Variants in KDM6A observed in about 807,000 individuals in gnomAD.
KDM6A encodes lysine demethylase 6A.
KDM6A carries 11 observed loss-of-function variants against 117.6 expected under a neutral mutation model. The ratio of observed to expected loss-of-function variants is 0.09; its 90% CI spans 0.06 to 0.15. The LOEUF (loss-of-function observed/expected upper bound fraction) is 0.15, where lower values mean the gene tolerates loss of function less well. KDM6A is among the 10% of genes least tolerant of loss of function. KDM6A has a pLI of 1.00. For missense variants in KDM6A, 799 were observed against 1,077.3 expected, an observed-to-expected ratio of 0.74 and a Z score of 3.62; for synonymous variants, 384 against 396.1, an observed-to-expected ratio of 0.97 and a Z score of 0.36.
In KDM6A at chrX:44,873,987, G is replaced by A; in HGVS notation, c.225G>A (p.Lys75=). The A allele has an allele frequency of 8.3e-7, 1 of 1,209,707 alleles. No homozygotes were observed. Among genetic ancestry groups the A allele is most frequent in the Non-Finnish European group, 1.1e-6 (1 of 893,408 alleles). ...DGARTKALLG[K]AVRCYESLIL... ...CCAGGACGAAGGCCCTACTGGGCAA[G>A]GTAAGGCAGCTGCGAGTCGGAGCGC... Residue 75 remains lysine (K), a splice_region_variant and synonymous_variant, in exon 2 of 30, where the codon AAG becomes AAA. Transcript: ENST00000611820.
intron 2 of KDM6A, among the ~76,000 whole-genome samples, chrX:44,924,647 G>GT (rs1491062564): frequency 1.3e-5 from 1 of 74,136 alleles, no homozygotes; most frequent in East Asian, 4.1e-4. Context: ...AGGTGGTCCT[G>GT]GGTGTGTGTG....
intron 4 of KDM6A, among the ~76,000 whole-genome samples, chrX:44,980,721 C>T (rs569507679): frequency 1.9e-5 from 2 of 104,948 alleles, no homozygotes; most frequent in East Asian, 5.9e-4. Flanking sequence ...GGATTTTCTA[C>T]ATACATTATG....
intron 2 of KDM6A, among the ~76,000 whole-genome samples, chrX:44,953,030 A>G (rs770499767): frequency 1.6e-4 from 18 of 109,931 alleles, no homozygotes; most frequent in Non-Finnish European, 3.2e-4. Flanking sequence ...AGCCTCCCAA[A>G]GTGCTGGGAT....
chrX:44,895,443 C>G (rs1037630253), intron 2 of KDM6A, among the ~76,000 whole-genome samples: 5 of 92,928 alleles, frequency 5.4e-5, no homozygotes, highest in Middle Eastern at 5.3e-3. Flanking sequence ...TAAGAACCAA[C>G]TTTTTATTGA....
chrX:44,899,499 C>G (rs947853808), intron 2 of KDM6A, among the ~76,000 whole-genome samples: 4 of 98,822 alleles, frequency 4.0e-5, no homozygotes, highest in Admixed American at 2.3e-4. Flanking sequence ...TTACCCTTTT[C>G]CCAGCCTTTT....
At chrX:45,106,102 A>G (rs1056337235) in intron 27 of KDM6A, among the ~76,000 whole-genome samples, 1 of 111,192 alleles carries the variant, frequency 9.0e-6, no homozygotes, top group East Asian at 2.8e-4. Context: ...GTCTAAAGCA[A>G]TGTTTTTGTT....
intron 2 of KDM6A, among the ~76,000 whole-genome samples, chrX:44,916,454 T>C (rs1026870774): frequency 1.8e-5 from 2 of 110,796 alleles, no homozygotes; most frequent in Admixed American, 9.7e-5. Context: ...ACTGAACTTT[T>C]TGAATTAAAT....
At chrX:44,988,571 G>A (rs996960196) in intron 4 of KDM6A, among the ~76,000 whole-genome samples, 1 of 110,781 alleles carries the variant, frequency 9.0e-6, no homozygotes, top group African/African-American at 3.3e-5. Context: ...TGATGGTGAC[G>A]TACAGATGGG....
rs756820729 is a variant in KDM6A at position 44,969,607 on chromosome X, A to G, written c.335-5059A>G. 1.0e-4 allele frequency among the ~76,000 whole-genome samples: 11 copies of G among 108,667 alleles called. No homozygotes were observed. The South Asian group carries it at 4.1e-3, about 40-fold the overall frequency. 94.4% of individuals were successfully genotyped at this position (108,667 alleles called of 115,157 possible). ...TAATTTTTCTATTTTTAGTAGAGAC[A>G]GGGTTTCACCGTGTTAGCCAGGATG... On this transcript the variant is annotated intron_variant, in intron 3 of 29. Transcript: ENST00000611820.
intron 3 of KDM6A, among the ~76,000 whole-genome samples, chrX:44,973,477 A>G (rs1265540589): frequency 8.9e-6 from 1 of 111,849 alleles, no homozygotes; most frequent in Non-Finnish European, 1.9e-5. Flanking sequence ...ATCAGAAAAT[A>G]CCTTTATTCT....
chrX:45,014,442 G>A (rs1276818713), intron 5 of KDM6A, among the ~76,000 whole-genome samples: 3 of 111,603 alleles, frequency 2.7e-5, no homozygotes, highest in African/African-American at 9.8e-5. Flanking sequence ...TCAGTAATCT[G>A]GGACCAAACT....
intron 27 of KDM6A, chrX:45,106,836 C>T (rs766423987): frequency 5.2e-4 from 125 of 241,069 alleles, no homozygotes; most frequent in Non-Finnish European, 7.9e-4. Context: ...AAAATGAAGA[C>T]ATACTTTTTT....
intron 28 of KDM6A, among the ~76,000 whole-genome samples, chrX:45,109,138 TAATAAATAAATAAATA>T (rs1174868830): frequency 4.4e-5 from 4 of 91,561 alleles, no homozygotes; most frequent in African/African-American, 1.6e-4. Context: ...ATAATAATAA[TAATAAATAAATAAATA>T]AATAAATAAA....
intron 2 of KDM6A, among the ~76,000 whole-genome samples, chrX:44,900,862 C>T (rs1177866024): frequency 1.8e-5 from 2 of 111,817 alleles, no homozygotes; most frequent in Non-Finnish European, 3.8e-5. Context: ...GCCTGGGTGA[C>T]AGAGCTAGAC....
At chrX:45,013,867 GT>G (rs778257288) in intron 5 of KDM6A, among the ~76,000 whole-genome samples, 1 of 112,270 alleles carries the variant, frequency 8.9e-6, no homozygotes, top group African/African-American at 3.2e-5. Context: ...CTTGGTGATA[GT>G]TTTAGAGTAC....
chrX:44,886,507 T>G (rs1171347326), intron 2 of KDM6A, among the ~76,000 whole-genome samples: 6 of 108,135 alleles, frequency 5.5e-5, no homozygotes, highest in African/African-American at 1.4e-4. Context: ...TTTTTTTTTT[T>G]GAGACAGAGT....
chrX:45,090,613 T>C (rs892108762), intron 26 of KDM6A, 110 bp from the exon 27 acceptor site: 1 of 802,823 alleles, frequency 1.2e-6, no homozygotes, highest in African/African-American at 2.1e-5. Flanking sequence ...TTATAGTGTT[T>C]TGAGGTTTTC....
chrX:44,988,579 G>A (rs7888273), intron 4 of KDM6A, among the ~76,000 whole-genome samples: 18,639 of 110,416 alleles, frequency 0.17, 2,285 homozygotes, highest in African/African-American at 0.43. Flanking sequence ...ACGTACAGAT[G>A]GGGTTTTGAT....
chrX:45,092,262 G>GGT (rs2045920813), intron 27 of KDM6A, among the ~76,000 whole-genome samples: 1 of 111,085 alleles, frequency 9.0e-6, no homozygotes, highest in South Asian at 3.7e-4. Flanking sequence ...GGTAGTTCAA[G>GGT]GTACAAGCCA....
Sources: gnomAD v4.1 joint callset for allele counts (sites outside exome capture counted in the v4.1 genomes callset) on GRCh38, gnomAD v4.1.1 for gene constraint, MANE v1.5 for transcripts, NCBI Gene and HGNC (gene_info 2026-07-23, HGNC 2026-07-21) for gene names.